Variants in PITRM1 observed in about 807,000 individuals in gnomAD.
The protein encoded by PITRM1 is presequence protease, mitochondrial.
Under a neutral mutation model 129.9 loss-of-function variants are expected in PITRM1, and 100 were observed. The ratio of observed to expected loss-of-function variants is 0.77; its 90% CI spans 0.65 to 0.91. PITRM1 has a LOEUF of 0.91. PITRM1 is among the 40% of genes least tolerant of loss of function. The pLI is 0.00. For missense variants in PITRM1, 1,471 were observed against 1,318.3 expected, an observed-to-expected ratio of 1.12 and a Z score of -1.79; for synonymous variants, 591 against 508.8, an observed-to-expected ratio of 1.16 and a Z score of -2.17.
chr10:3,151,063 C>T, intron 15 of PITRM1, 184 bp downstream of exon 15: 1 of 572,744 alleles, frequency 1.7e-6, no homozygotes, highest in Non-Finnish European at 3.2e-6. Context: ...GTGAAGGAGT[C>T]TATCACCACC....
chr10:3,143,205 G>A, intron 23 of PITRM1, 184 bp downstream of exon 23: 1 of 593,014 alleles, frequency 1.7e-6, no homozygotes, highest in Middle Eastern at 2.7e-4. Flanking sequence ...TCTAAAACTG[G>A]GTCTCTGTTC....
intron 14 of PITRM1, among the ~76,000 whole-genome samples, chr10:3,154,061 C>T (rs1017359027): frequency 1.3e-5 from 2 of 152,234 alleles, no homozygotes; most frequent in Admixed American, 1.3e-4. Flanking sequence ...CCGACTGGGC[C>T]TCCAGCAGCT....
Position 3,138,225 on chromosome 10 carries a change from C to T in PITRM1, c.3020+10G>A, listed in dbSNP as rs1367047028. 1.9e-6 allele frequency: 3 copies of T among 1,606,722 alleles called. No homozygotes were observed. Among genetic ancestry groups the T allele is most frequent in the Non-Finnish European group, 8.5e-7 (1 of 1,173,262 alleles). ...AGTCCCAGACGCTGTCTCCCCCGCTCCCCACTCACCTATCGCTCACGGCCA... is the reference window on the plus strand; with the variant it reads ...AGTCCCAGACGCTGTCTCCCCCGCTTCCCACTCACCTATCGCTCACGGCCA... On this transcript the variant is annotated intron_variant, in intron 26 of 26. Coordinates refer to ENST00000224949, the MANE Select transcript of PITRM1 (RefSeq NM_014889.4).
chr10:3,160,606 G>A (rs1027913530), intron 7 of PITRM1, among the ~76,000 whole-genome samples: 33 of 152,084 alleles, frequency 2.2e-4, no homozygotes, highest in Non-Finnish European at 8.8e-5. Context: ...TAAATTCAAC[G>A]TTCATTCACA....
intron 24 of PITRM1, among the ~76,000 whole-genome samples, chr10:3,140,059 A>G (rs1005979949): frequency 6.6e-6 from 1 of 152,240 alleles, no homozygotes; most frequent in Admixed American, 6.5e-5. Flanking sequence ...TCAGACAGCC[A>G]CTATGGATAC....
chr10:3,142,200 T>C (rs1840301409), intron 23 of PITRM1, among the ~76,000 whole-genome samples: 1 of 152,198 alleles, frequency 6.6e-6, no homozygotes, highest in Admixed American at 6.5e-5. Context: ...TCTACAAATA[T>C]GGAAATAAAT....
Position 3,149,767 on chromosome 10 carries a change from A to C in PITRM1, c.1739-14T>G. ...GGATATCTCCAGCTAGAAAAACAAA[A>C]GGGATTTAATTTTTATTGCTGCCAG... On this transcript the variant is annotated splice_polypyrimidine_tract_variant and intron_variant, in intron 15 of 26. Coordinates refer to ENST00000224949, the MANE Select transcript of PITRM1 (RefSeq NM_014889.4). The C allele has an allele frequency of 1.9e-6, 3 of 1,613,382 alleles. No individual in the cohort carries two copies. The highest frequency in any genetic ancestry group is 2.5e-6 in the Non-Finnish European group (3 of 1,179,610).
chr10:3,160,539 T>C, intron 7 of PITRM1, among the ~76,000 whole-genome samples: 1 of 152,094 alleles, frequency 6.6e-6, no homozygotes, highest in East Asian at 1.9e-4. Context: ...TATATTGTTA[T>C]AATTGTTCTA....
chr10:3,149,904 A>C (rs1841334524), intron 15 of PITRM1, among the ~76,000 whole-genome samples, 151 bp from the exon 16 acceptor site: 1 of 152,174 alleles, frequency 6.6e-6, no homozygotes, highest in African/African-American at 2.4e-5. Context: ...TCATATTTTC[A>C]TGACTAAAAA....
At chr10:3,151,197 A>C in intron 15 of PITRM1, 50 bp downstream of exon 15, 1 of 1,016,620 alleles carries the variant, frequency 9.8e-7, no homozygotes, top group Non-Finnish European at 1.5e-6. Flanking sequence ...GTGACATTTA[A>C]TTCCCCCAAG....
intron 24 of PITRM1, 45 bp from the exon 25 acceptor site, chr10:3,139,094 A>C: frequency 6.4e-7 from 1 of 1,556,914 alleles, no homozygotes; most frequent in Non-Finnish European, 8.8e-7. Flanking sequence ...TTACCAGTGG[A>C]CAAGTTTATG....
At position 3,160,283 on chromosome 10, in the gene PITRM1, A is replaced by G. The variant is rs1422935311; in HGVS notation, c.839T>C (p.Ile280Thr). 1 of 1,613,480 alleles carries G rather than the reference A, an allele frequency of 6.2e-7. No individual in the cohort carries two copies. The highest frequency in any genetic ancestry group is 8.5e-7 in the Non-Finnish European group (1 of 1,179,436). ...GAATTTGCTCAGTGCTTCCTCGTGA[A>G]TTTGTTTCAGATGCTGTTCTAATGG... Reference protein sequence around the residue: ...NFPLEQHLKQIHEEALSKFQK... With the variant: ...NFPLEQHLKQTHEEALSKFQK... The change falls in exon 8 of 27, where the codon ATT becomes ACT. Residue 280 changes from isoleucine to threonine, a missense_variant. By Grantham distance (89) the Ile-to-Thr change is moderately conservative. Transcript: ENST00000224949.
Position 3,148,244 on chromosome 10 carries a change from T to G in PITRM1, c.1919A>C (p.Glu640Ala), listed in dbSNP as rs1475843224. ...AGCACTCATCCCTCCGGTCTTCAAT[T>G]CTATCTGCTGAGCCTGCTCCCGGTA... is the stretch of plus-strand genomic sequence containing the variant. ...LDYREQAQQI[E>A]LKTGGMSASP... Residue 640 changes from glutamate to alanine, a missense_variant, in exon 17 of 27, where the codon GAA (glutamate) becomes GCA (alanine). Coordinates refer to ENST00000224949, the MANE Select transcript of PITRM1 (RefSeq NM_014889.4). 6.2e-7 allele frequency: 1 copy of G among 1,613,834 alleles called. No individual in the cohort carries two copies.
At chr10:3,149,542 CCTA>C (rs1263630208) in intron 16 of PITRM1, 76 bp downstream of exon 16, 15 of 1,354,496 alleles carry the variant, frequency 1.1e-5, no homozygotes, top group Non-Finnish European at 1.3e-5. Context: ...GAAGGTAATT[CCTA>C]CTGATGCATT....
In PITRM1 at chr10:3,165,105, T is replaced by C. The variant is rs1452629072; in HGVS notation, c.630+133A>G. 8 of 737,626 alleles carry C rather than the reference T, an allele frequency of 1.1e-5. 1 individual carries two copies. Among genetic ancestry groups the C allele is most frequent in the African/African-American group, 1.8e-5 (1 of 56,174 alleles). The allele number at this position is 737,626 out of a possible 1,614,324, so 45.7% of individuals were successfully genotyped here. On this transcript the variant is annotated intron_variant, in intron 6 of 26. Coordinates refer to ENST00000224949, the MANE Select transcript of PITRM1 (RefSeq NM_014889.4). ...CTACCCCGACTTCTGCTCACAGCACTGACCCCAGCTAATTCAAGAATGTAT... is the reference window on the plus strand; with the variant it reads ...CTACCCCGACTTCTGCTCACAGCACCGACCCCAGCTAATTCAAGAATGTAT...
intron 14 of PITRM1, among the ~76,000 whole-genome samples, chr10:3,152,494 G>A (rs1349165069): frequency 6.6e-6 from 1 of 152,212 alleles, no homozygotes; most frequent in Non-Finnish European, 1.5e-5. Context: ...GGCGCAGTGA[G>A]CATCTCAGGC....
At chr10:3,138,187 C>T (rs1839763733) in intron 26 of PITRM1, 48 bp downstream of exon 26, 1 of 1,578,124 alleles carries the variant, frequency 6.3e-7, no homozygotes, top group Non-Finnish European at 8.7e-7. Flanking sequence ...TTAGAGTCAG[C>T]ACGAGGGCTT....
At chr10:3,138,746 G>C (rs890146607) in intron 25 of PITRM1, 158 bp downstream of exon 25, 1 of 812,960 alleles carries the variant, frequency 1.2e-6, no homozygotes, top group Non-Finnish European at 2.2e-6. Context: ...CGGATGTCAG[G>C]AAGCGTGTTT....
intron 14 of PITRM1, among the ~76,000 whole-genome samples, chr10:3,153,850 T>G (rs950770867): frequency 6.6e-6 from 1 of 152,230 alleles, no homozygotes; most frequent in Non-Finnish European, 1.5e-5. Flanking sequence ...GCTTTTTTAA[T>G]AGGAAAAGTA....
Sources: gnomAD v4.1 joint callset for allele counts (sites outside exome capture counted in the v4.1 genomes callset) on GRCh38, gnomAD v4.1.1 for gene constraint, MANE v1.5 for transcripts, NCBI Gene and HGNC (gene_info 2026-07-23, HGNC 2026-07-21) for gene names.